Variants in CSPG4 observed in about 807,000 individuals in gnomAD.
CSPG4 encodes the protein chondroitin sulfate proteoglycan 4 (melanoma-associated).
CSPG4 carries 74 observed loss-of-function variants against 139.3 expected under a neutral mutation model. The observed-to-expected ratio is 0.53, with a 90% CI of 0.44 to 0.64. The LOEUF (loss-of-function observed/expected upper bound fraction) is 0.64. Among genes scored for constraint, CSPG4 ranks in the 30% least tolerant of loss-of-function variants. The pLI, the probability that CSPG4 is intolerant of heterozygous loss-of-function variation, is 0.00. For synonymous variants in CSPG4, 1,234 were observed against 1,394.2 expected, an observed-to-expected ratio of 0.89 and a Z score of 2.56; for missense variants, 2,565 against 3,148.3, an observed-to-expected ratio of 0.81 and a Z score of 4.43.
intron 1 of CSPG4, among the ~76,000 whole-genome samples, chr15:75,703,499 C>A (rs1054542472): frequency 6.6e-6 from 1 of 151,974 alleles, no homozygotes; most frequent in Non-Finnish European, 1.5e-5. Context: ...CCACCCCCAG[C>A]CTCCAGGGTC....
upstream of CSPG4, chr15:75,712,860 G>T: frequency 1.0e-6 from 1 of 954,098 alleles, no homozygotes; most frequent in Non-Finnish European, 1.5e-6. Flanking sequence ...GGCCGGCTCC[G>T]GGTGTCCGCG....
At chr15:75,710,691 GGGCCTTT>G (rs1894437539) in intron 1 of CSPG4, among the ~76,000 whole-genome samples, 1 of 152,178 alleles carries the variant, frequency 6.6e-6, no homozygotes, top group Admixed American at 6.5e-5. Flanking sequence ...GGGAGGACGA[GGGCCTTT>G]GCAGCCAGGG....
rs922206041 is a variant in CSPG4, at chr15:75,694,413, G to C, written c.89-1180C>G. The stretch of plus-strand genomic sequence containing the variant: ...TTTGCCTGCAGATGTCCAGGGCTGG[G>C]GGGTAGAGAAACACGGGTTAAAAAC... On this transcript the variant is annotated intron_variant, in intron 1 of 9. Transcript: ENST00000308508. Among the ~76,000 whole-genome samples, 4 of 152,236 alleles carry C rather than the reference G, an allele frequency of 2.6e-5. No individual in the cohort carries two copies. In the East Asian group the frequency reaches 5.8e-4, roughly 22 times the overall value.
Position 75,676,722 on chromosome 15 carries a change from G to A in CSPG4, c.5797C>T (p.Leu1933=). The part of the protein sequence containing the change: ...DGASPPLPMS[L]AVDILPSAIE... ...GCGGATGGTAGGATGTCCACAGCCA[G>A]GGACATGGGCAGGGGTGGGCTGGCC... is the stretch of plus-strand genomic sequence containing the variant. The change falls in exon 10 of 10, where the codon CTG becomes TTG. Residue 1933 remains leucine, a synonymous_variant. Coordinates refer to ENST00000308508, the MANE Select transcript of CSPG4 (RefSeq NM_001897.5). The A allele has an allele frequency of 1.3e-6, 2 of 1,585,876 alleles. No homozygotes were observed. The highest frequency in any genetic ancestry group is 2.3e-5 in the South Asian group (2 of 87,836).
In CSPG4 at chr15:75,685,359, G is replaced by T; in HGVS notation, c.4132C>A (p.Pro1378Thr). The T allele has an allele frequency of 6.2e-7, 1 of 1,610,394 alleles. No individual in the cohort carries two copies. Among genetic ancestry groups the T allele is most frequent in the East Asian group, 2.2e-5 (1 of 44,826 alleles). ...PEGGSLTLAP[P>T]LLRVSGPYFP... is the part of the protein sequence containing the mutation. The stretch of plus-strand genomic sequence containing the variant: ...TAGGGCCCGGAGACACGGAGCAGTG[G>T]AGGGGCCAGGGTGAGGCTGCCACCC... The change falls in exon 4 of 10, where the codon CCA becomes ACA. Residue 1378 changes from proline to threonine, a missense_variant. Pro to Thr is a conservative substitution (Grantham distance 38). This residue lies in a region of CSPG4 where 2,316 missense variants were observed against 2,818.2 expected (regional missense o/e 0.82). Transcript: ENST00000308508.
At chr15:75,697,622 G>A (rs1479523193) in intron 1 of CSPG4, among the ~76,000 whole-genome samples, 3 of 152,200 alleles carry the variant, frequency 2.0e-5, no homozygotes, top group Non-Finnish European at 2.9e-5. Context: ...GGTTGCCTGG[G>A]GGCAGCCCCA....
At position 75,696,343 on chromosome 15, in the gene CSPG4, C is replaced by T. The variant is rs146461605; in HGVS notation, c.89-3110G>A. 3.9e-5 allele frequency among the ~76,000 whole-genome samples: 6 copies of T among 152,104 alleles called. No homozygotes were observed. Among genetic ancestry groups the T allele is most frequent in the African/African-American group, 1.2e-4 (5 of 41,486 alleles). On this transcript the variant is annotated intron_variant, in intron 1 of 9. Transcript: ENST00000308508. This position sits in a 1 kb window ranked among gnomAD's most constrained non-coding sequence, Gnocchi z 4.2. ...AGGATGCCCCACAGGTCTGGGGGCC[C>T]GTGGGAGGGGCAGGAAGAGTGCTGC...
At position 75,687,971 on chromosome 15, in the gene CSPG4, C is replaced by T. The variant is rs1230081763; in HGVS notation, c.3094G>A (p.Gly1032Ser). Reference sequence around the variant, plus strand: ...TCTGTAGTCAGCAGCCGCCGCCCACCCCGGGCCACATGGAAGATCCGGCTG... The same window carrying T: ...TCTGTAGTCAGCAGCCGCCGCCCACTCCGGGCCACATGGAAGATCCGGCTG... Reference protein sequence around the residue: ...TISRIFHVARGGRRLLTTDDV... With the variant: ...TISRIFHVARSGRRLLTTDDV... Residue 1032 changes from glycine to serine, a missense_variant, in exon 3 of 10, where the codon GGT becomes AGT. Around this residue, in one of 5 missense-constraint regions of CSPG4, gnomAD observed 2,316 missense variants for 2,818.2 expected, o/e 0.82. Coordinates refer to ENST00000308508, the MANE Select transcript of CSPG4 (RefSeq NM_001897.5). This position sits in a 1 kb window ranked among gnomAD's most constrained non-coding sequence, Gnocchi z 5.4. 6.2e-7 allele frequency: 1 copy of T among 1,612,702 alleles called. No individual in the cohort carries two copies. The highest frequency in any genetic ancestry group is 1.1e-5 in the South Asian group (1 of 91,060).
Position 75,685,194 on chromosome 15 carries a change from C to A in CSPG4, c.4272+25G>T, listed in dbSNP as rs189244682. The A allele has an allele frequency of 3.8e-5, 57 of 1,511,030 alleles. No individual in the cohort carries two copies. In the African/African-American group the frequency reaches 6.0e-4, roughly 16 times the overall value. The allele number at this position is 1,511,030 out of a possible 1,614,324, so 93.6% of individuals were successfully genotyped here. A position where few individuals can be genotyped will look rare whatever the true frequency, so the allele number is the denominator to read the frequency against. On this transcript the variant is annotated intron_variant, in intron 4 of 9. Transcript: ENST00000308508. ...TCTGCCCCCAGAGCTGGGCTGCAGC[C>A]CCTGGGCCTCTCTCACAGCCATACC... is the stretch of plus-strand genomic sequence containing the variant.
chr15:75,677,355 T>C lies in CSPG4; in HGVS notation c.5164A>G (p.Arg1722Gly). 7.2e-7 allele frequency: 1 copy of C among 1,393,832 alleles called. No homozygotes were observed. Among genetic ancestry groups the C allele is most frequent in the Non-Finnish European group, 9.3e-7 (1 of 1,071,056 alleles). The allele number at this position is 1,393,832 out of a possible 1,614,324, so 86.3% of individuals were successfully genotyped here. The change falls in exon 10 of 10, where the codon AGG becomes GGG. Residue 1722 changes from arginine to glycine, a missense_variant. Around this residue, in one of 5 missense-constraint regions of CSPG4, gnomAD observed 2,316 missense variants for 2,818.2 expected, o/e 0.82. Coordinates refer to ENST00000308508, the MANE Select transcript of CSPG4 (RefSeq NM_001897.5). ...GCATCCAGAGCAGCCACGGTGATCC[T>C]GGCCCGCTGGCCCTCGGGGACCCAG... is the stretch of plus-strand genomic sequence containing the variant. ...GLWVPEGQRA[R>G]ITVAALDASN...
At chr15:75,699,405 G>A (rs1242688521) in intron 1 of CSPG4, among the ~76,000 whole-genome samples, 1 of 152,228 alleles carries the variant, frequency 6.6e-6, no homozygotes, top group Admixed American at 6.5e-5. Flanking sequence ...GCTATTGGCT[G>A]GGCCCTGACC....
intron 1 of CSPG4, among the ~76,000 whole-genome samples, chr15:75,701,115 G>A (rs534681703): frequency 1.3e-5 from 2 of 152,214 alleles, no homozygotes; most frequent in African/African-American, 2.4e-5. Context: ...CCAGCAGACT[G>A]GCAAGAGGTG....
In CSPG4 at chr15:75,709,024, G is replaced by A. The variant is rs527985245; in HGVS notation, c.88+3644C>T. 3.2e-4 allele frequency among the ~76,000 whole-genome samples: 48 copies of A among 152,258 alleles called. No homozygotes were observed. The East Asian group carries it at 9.3e-3, about 29-fold the overall frequency. ...CTGCAGGACTAACAACATGGTTAGT[G>A]CACACTATGGGGTGTCCCTGAAGGT... On this transcript the variant is annotated intron_variant, in intron 1 of 9. Coordinates refer to ENST00000308508, the MANE Select transcript of CSPG4 (RefSeq NM_001897.5).
rs955118119 is a variant in CSPG4, at chr15:75,677,825, T to C, written c.5012A>G (p.His1671Arg). Residue 1671 changes from histidine (H) to arginine (R), a missense_variant, in exon 9 of 10, where the codon CAT becomes CGT. Around this residue, in one of 5 missense-constraint regions of CSPG4, gnomAD observed 2,316 missense variants for 2,818.2 expected, o/e 0.82. Transcript: ENST00000308508. ...GGACAGCTGGAGCTCTAGGGTATCA[T>C]GGGCCTCCCAAAAGGGCTCGGGGGG... Reference protein sequence around the residue: ...EMPPEPFWEAHDTLELQLSSP... With the variant: ...EMPPEPFWEARDTLELQLSSP... The C allele has an allele frequency of 3.1e-6, 5 of 1,612,580 alleles. No homozygotes were observed. The highest frequency in any genetic ancestry group is 1.7e-5 in the Admixed American group (1 of 59,792).
rs150399169 is a variant in CSPG4 at position 75,676,495 on chromosome 15, G to C, written c.6024C>G (p.Gly2008=). 6.2e-7 allele frequency: 1 copy of C among 1,613,942 alleles called. No homozygotes were observed. The highest frequency in any genetic ancestry group is 1.7e-5 in the Admixed American group (1 of 60,032). The change falls in exon 10 of 10, where the codon GGC becomes GGG. Residue 2008 remains glycine, a synonymous_variant. Coordinates refer to ENST00000308508, the MANE Select transcript of CSPG4 (RefSeq NM_001897.5). ...SAFSQFQIDQ[G]EVVFAFTNFS... The stretch of plus-strand genomic sequence containing the variant: ...AGTTGGTGAAGGCAAAGACCACCTC[G>C]CCCTGGTCTATCTGGAATTGGCTGA...
In CSPG4 at chr15:75,690,534, G is replaced by T; in HGVS notation, c.531C>A (p.Gly177=). ...GGGTCAGAGGCCGGAGGAGGCTGCG[G>T]CCATTGAGGGTGGCTGCATGGAGGC... ...RGCLHAATLN[G]RSLLRPLTPD... Residue 177 remains glycine (G), a synonymous_variant, in exon 3 of 10, where the codon GGC becomes GGA. Transcript: ENST00000308508. 6.2e-7 allele frequency: 1 copy of T among 1,609,536 alleles called. No homozygotes were observed. Among genetic ancestry groups the T allele is most frequent in the Non-Finnish European group, 8.5e-7 (1 of 1,178,970 alleles).
chr15:75,683,201 C>T (rs1221109303), intron 5 of CSPG4, among the ~76,000 whole-genome samples, 160 bp from the exon 6 acceptor site: 8 of 152,184 alleles, frequency 5.3e-5, no homozygotes, highest in East Asian at 3.9e-4. Context: ...AAGGGCCTCC[C>T]GCATTCACCT....
In CSPG4 at chr15:75,689,204, A is replaced by G. The variant is rs745838733; in HGVS notation, c.1861T>C (p.Leu621=). The change falls in exon 3 of 10, where the codon TTG becomes CTG. Residue 621 remains leucine (L), a synonymous_variant. Transcript: ENST00000308508. Reference sequence around the variant, plus strand: ...ACATAGACTAGGCTGCCGGCCTCCAACTCCCGGCAGGAGAACTCGGTCGCC... The same window carrying G: ...ACATAGACTAGGCTGCCGGCCTCCAGCTCCCGGCAGGAGAACTCGGTCGCC... ...EPATEFSCRE[L]EAGSLVYVHR... is the part of the protein sequence containing the mutation. The G allele has an allele frequency of 1.1e-5, 18 of 1,608,058 alleles. No homozygotes were observed. Among genetic ancestry groups the G allele is most frequent in the Non-Finnish European group, 1.4e-5 (17 of 1,178,340 alleles).
At position 75,688,920 on chromosome 15, in the gene CSPG4, C is replaced by G. The variant is rs1304079804; in HGVS notation, c.2145G>C (p.Gln715His). The stretch of plus-strand genomic sequence containing the variant: ...CAGCACCCTCCACCCCACCTGCCCC[C>G]TGCTTCTGCAGCTCCCCAAACTGCA... The part of the protein sequence containing the change: ...GALQFGELQK[Q>H]GAGGVEGAEW... Residue 715 changes from glutamine (Q) to histidine (H), a missense_variant, in exon 3 of 10, where the codon CAG (glutamine) becomes CAC (histidine). By Grantham distance (24) the Gln-to-His change is conservative. Coordinates refer to ENST00000308508, the MANE Select transcript of CSPG4 (RefSeq NM_001897.5). 8.1e-6 allele frequency: 13 copies of G among 1,612,374 alleles called. No homozygotes were observed. Among genetic ancestry groups the G allele is most frequent in the Non-Finnish European group, 1.1e-5 (13 of 1,180,024 alleles).
Sources: gnomAD v4.1 joint callset for allele counts (sites outside exome capture counted in the v4.1 genomes callset) on GRCh38, gnomAD v4.1.1 for gene constraint, gnomAD v4.1.1 regional missense constraint, Gnocchi (gnomAD v3.1) non-coding constraint, MANE v1.5 for transcripts, NCBI Gene and HGNC (gene_info 2026-07-23, HGNC 2026-07-21) for gene names.